CLU: variants seen among roughly 807,000 people sequenced by gnomAD.
CLU encodes aging-associated protein 4.
In CLU, 25 loss-of-function variants were observed where a neutral mutation model predicts 46.4. The ratio of observed to expected loss-of-function variants is 0.54; its 90% CI spans 0.39 to 0.75. CLU has a LOEUF of 0.75. CLU is among the 30% of genes least tolerant of loss of function. The pLI is 0.00. For missense variants in CLU, 504 were observed against 592.1 expected, an observed-to-expected ratio of 0.85 and a Z score of 1.54; for synonymous variants, 235 against 235.1, an observed-to-expected ratio of 1.00 and a Z score of 0.00.
In CLU at chr8:27,604,281, C is replaced by A. The variant is rs753127553; in HGVS notation, c.934+10G>T. 17 of 1,611,184 alleles carry A rather than the reference C, an allele frequency of 1.1e-5. No homozygotes were observed. In the East Asian group the frequency reaches 3.6e-4, roughly 34 times the overall value. On this transcript the variant is annotated intron_variant, in intron 6 of 8. Coordinates refer to ENST00000316403, the MANE Select transcript of CLU (RefSeq NM_001831.4). ...AGGGGGGACGGCTTGTGGTCTGGACCCCGACTCACCCACAGACAAGATCTC... is the reference window on the plus strand; with the variant it reads ...AGGGGGGACGGCTTGTGGTCTGGACACCGACTCACCCACAGACAAGATCTC...
intron 7 of CLU, 75 bp from the exon 8 acceptor site, chr8:27,598,710 G>A (rs1800661838): frequency 1.4e-6 from 2 of 1,452,786 alleles, no homozygotes; most frequent in Non-Finnish European, 1.9e-6. Context: ...CAGAAGTCAG[G>A]CTTCTGATAA....
chr8:27,601,788 T>C (rs1416895354), intron 6 of CLU, among the ~76,000 whole-genome samples: 2 of 152,092 alleles, frequency 1.3e-5, no homozygotes, highest in East Asian at 3.9e-4. Flanking sequence ...ACTTCATTAT[T>C]TTACCAAAAA....
In CLU at chr8:27,598,461, G is replaced by C. The variant is rs543267224; in HGVS notation, c.1339C>G (p.Arg447Gly). Residue 447 changes from arginine (R) to glycine (G), a missense_variant and splice_region_variant, in exon 8 of 9, where the codon CGG becomes GGG. Transcript: ENST00000316403. ...KALQEYRKKHREE is the reference protein window; with the variant it reads ...KALQEYRKKHGEE ...CGCAGGAAAGGCCCGCCTGCTTACCGGTGCTTTTTGCGGTATTCCTGCAGC... is the reference window on the plus strand; with the variant it reads ...CGCAGGAAAGGCCCGCCTGCTTACCCGTGCTTTTTGCGGTATTCCTGCAGC... 8 of 1,613,792 alleles carry C rather than the reference G, an allele frequency of 5.0e-6. No homozygotes were observed. In the African/African-American group the frequency reaches 1.1e-4, roughly 22 times the overall value.
chr8:27,605,142 T>C lies in CLU; in HGVS notation c.611A>G (p.Tyr204Cys). The change falls in exon 5 of 9, where the codon TAC (tyrosine) becomes TGC (cysteine). Residue 204 changes from tyrosine to cysteine, a missense_variant. By Grantham distance (194) the Tyr-to-Cys change is radical. This residue lies in a region of CLU where 428 missense variants were observed against 484.0 expected (regional missense o/e 0.88). Transcript: ENST00000316403. ...GGGCAGGCTGAAGGGCAGGTAGTGG[T>C]AGGTATCCTGGGGCTCCCGGGTGAA... The part of the protein sequence containing the change: ...RFFTREPQDT[Y>C]HYLPFSLPHR... The C allele has an allele frequency of 6.2e-7, 1 of 1,614,138 alleles. No individual in the cohort carries two copies. Among genetic ancestry groups the C allele is most frequent in the Non-Finnish European group, 8.5e-7 (1 of 1,180,020 alleles).
intron 5 of CLU, among the ~76,000 whole-genome samples, 190 bp downstream of exon 5, chr8:27,604,734 C>T (rs1052286470): frequency 3.3e-5 from 5 of 152,224 alleles, no homozygotes; most frequent in African/African-American, 1.2e-4. Flanking sequence ...CCGCCTTGGC[C>T]TCTCAAAGTG....
rs1229727998 is a variant in CLU at position 27,610,561 on chromosome 8, G to A, written c.11C>T (p.Thr4Ile). ...CAGCAGCCCCACAAACAGCAGCAGA[G>A]TCTTCATCATGCCTCCAATTCTGGA... MMK[T>I]LLLFVGLLLT... Residue 4 changes from threonine to isoleucine, a missense_variant, in exon 2 of 9, where the codon ACT becomes ATT. Around this residue, in one of 3 missense-constraint regions of CLU, gnomAD observed 73 missense variants for 91.2 expected, o/e 0.80. Transcript: ENST00000316403. The A allele has an allele frequency of 1.2e-6, 2 of 1,614,070 alleles. No homozygotes were observed. The highest frequency in any genetic ancestry group is 1.3e-5 in the African/African-American group (1 of 74,950).
chr8:27,604,449 T>G, intron 5 of CLU, 54 bp from the exon 6 acceptor site: 5 of 1,267,518 alleles, frequency 3.9e-6, no homozygotes, highest in Middle Eastern at 1.9e-4. Context: ...AGAGATGGAC[T>G]CCACTGATTC....
At position 27,598,202 on chromosome 8, in the gene CLU, C is replaced by T; in HGVS notation, c.*39G>A. On this transcript the variant is annotated 3_prime_UTR_variant, in exon 9 of 9. Transcript: ENST00000316403. Reference sequence around the variant, plus strand: ...GCAGCTCATCTTGGGGGGAGCTGGACTCAGATGCCCCCGTAGGTGCAAAAG... The same window carrying T: ...GCAGCTCATCTTGGGGGGAGCTGGATTCAGATGCCCCCGTAGGTGCAAAAG... 3.1e-6 allele frequency: 5 copies of T among 1,610,564 alleles called. No homozygotes were observed. The highest frequency in any genetic ancestry group is 4.2e-6 in the Non-Finnish European group (5 of 1,177,188).
intron 2 of CLU, 84 bp from the exon 3 acceptor site, chr8:27,609,170 G>A (rs1346825833): frequency 1.8e-5 from 27 of 1,481,012 alleles, no homozygotes; most frequent in Non-Finnish European, 2.5e-5. Context: ...GGCCAGAAAG[G>A]CCCGTTCAGT....
rs1165383139 is a variant in CLU, at chr8:27,604,459, C to G, written c.830-64G>C. The G allele has an allele frequency of 2.4e-6, 3 of 1,234,618 alleles. No individual in the cohort carries two copies. The Admixed American group carries it at 5.2e-5, about 21-fold the overall frequency. The allele number at this position is 1,234,618 out of a possible 1,614,324, so 76.5% of individuals were successfully genotyped here. On this transcript the variant is annotated intron_variant, in intron 5 of 8. Coordinates refer to ENST00000316403, the MANE Select transcript of CLU (RefSeq NM_001831.4). ...CATGCAGAGATGGACTCCACTGATT[C>G]CTATTGTTATTTTTATTTATTTTTT...
At chr8:27,598,724 A>T (rs1800662167) in intron 7 of CLU, 89 bp from the exon 8 acceptor site, 1 of 1,315,674 alleles carries the variant, frequency 7.6e-7, no homozygotes. Context: ...CTGATAAGGA[A>T]GTCCTCCTGC....
Position 27,599,686 on chromosome 8 carries a change from G to A in CLU, c.1164+94C>T, listed in dbSNP as rs1032365055. The A allele has an allele frequency of 3.5e-5, 33 of 945,840 alleles. No individual in the cohort carries two copies. Among genetic ancestry groups the A allele is most frequent in the East Asian group, 1.3e-4 (5 of 37,928 alleles). The allele number at this position is 945,840 out of a possible 1,614,324, so 58.6% of individuals were successfully genotyped here. On this transcript the variant is annotated intron_variant, in intron 7 of 8. Coordinates refer to ENST00000316403, the MANE Select transcript of CLU (RefSeq NM_001831.4). The surrounding 1 kb of genome is among the most constrained non-coding windows in gnomAD (Gnocchi z 4.0). ...CGCCTAAAGTTTTCTATTTTCTGCCGTGTGATAAATGCTCAGTCAAAAGCA... is the reference window on the plus strand; with the variant it reads ...CGCCTAAAGTTTTCTATTTTCTGCCATGTGATAAATGCTCAGTCAAAAGCA...
At chr8:27,600,383 T>C (rs754022869) in intron 6 of CLU, among the ~76,000 whole-genome samples, 1 of 151,950 alleles carries the variant, frequency 6.6e-6, no homozygotes, top group Non-Finnish European at 1.5e-5. Context: ...TATAGGCACA[T>C]GCTACCATGC....
chr8:27,612,292 C>A (rs187889870), intron 1 of CLU, among the ~76,000 whole-genome samples: 4 of 152,348 alleles, frequency 2.6e-5, no homozygotes, highest in Admixed American at 1.3e-4. Context: ...GTCCAGTATT[C>A]TTTCCTTGAT....
chr8:27,605,133 A>G lies in CLU; in HGVS notation c.620T>C (p.Leu207Pro). Residue 207 changes from leucine to proline, a missense_variant, in exon 5 of 9, where the codon CTG becomes CCG. By Grantham distance (98) the Leu-to-Pro change is moderately conservative. Coordinates refer to ENST00000316403, the MANE Select transcript of CLU (RefSeq NM_001831.4). ...TREPQDTYHY[L>P]PFSLPHRRPH... is the part of the protein sequence containing the mutation. ...CCTCCGGTGGGGCAGGCTGAAGGGC[A>G]GGTAGTGGTAGGTATCCTGGGGCTC... is the stretch of plus-strand genomic sequence containing the variant. 1 of 1,614,160 alleles carries G rather than the reference A, an allele frequency of 6.2e-7. No individual in the cohort carries two copies. Among genetic ancestry groups the G allele is most frequent in the South Asian group, 1.1e-5 (1 of 91,080 alleles).
At chr8:27,598,275 C>T (rs1195684192) in intron 8 of CLU, 25 bp from the exon 9 acceptor site, 13 of 1,613,436 alleles carry the variant, frequency 8.1e-6, no homozygotes, top group Non-Finnish European at 1.1e-5. Context: ...AGTTATCCTC[C>T]AAAGTAAAAC....
Position 27,610,492 on chromosome 8 carries a change from G to C in CLU, c.80C>G (p.Ser27Ter). ...CTACTCACCCTGGAGCTCATTGTCT[G>C]AGACCGTCTGGTCCCCCAGGACCTG... ...SGQVLGDQTV[S>*]DNELQEMSNQ... The change falls in exon 2 of 9, where the codon TCA (serine) becomes TGA (stop). Residue 27 changes from serine to a stop codon, truncating the protein, a stop_gained. Transcript: ENST00000316403. LOFTEE classifies it high-confidence loss of function. 1 of 1,614,138 alleles carries C rather than the reference G, an allele frequency of 6.2e-7. No individual in the cohort carries two copies. The highest frequency in any genetic ancestry group is 8.5e-7 in the Non-Finnish European group (1 of 1,179,940).
chr8:27,598,415 A>G, intron 8 of CLU, 45 bp downstream of exon 8: 3 of 1,611,796 alleles, frequency 1.9e-6, no homozygotes, highest in Non-Finnish European at 2.5e-6. Context: ...GCTCCCAGAG[A>G]CTCACTGGGC....
intron 5 of CLU, among the ~76,000 whole-genome samples, chr8:27,604,599 A>G (rs1273112329): frequency 2.0e-5 from 3 of 152,136 alleles, no homozygotes; most frequent in Non-Finnish European, 2.9e-5. Context: ...CAGCCTCCCG[A>G]GTAGCTGAGA....
Sources: gnomAD v4.1 joint callset for allele counts (sites outside exome capture counted in the v4.1 genomes callset) on GRCh38, gnomAD v4.1.1 for gene constraint, gnomAD v4.1.1 regional missense constraint, Gnocchi (gnomAD v3.1) non-coding constraint, MANE v1.5 for transcripts, NCBI Gene and HGNC (gene_info 2026-07-23, HGNC 2026-07-21) for gene names.